Variants in ZNF385D observed in about 807,000 individuals in gnomAD.
The protein encoded by ZNF385D is zinc finger protein 659.
ZNF385D carries 15 observed loss-of-function variants against 35.8 expected under a neutral mutation model. The ratio of observed to expected loss-of-function variants is 0.42; its 90% CI spans 0.28 to 0.64. ZNF385D has a LOEUF of 0.64. Among genes scored for constraint, ZNF385D ranks in the 30% least tolerant of loss-of-function variants. ZNF385D has a pLI of 0.23. For missense variants in ZNF385D, 474 were observed against 494.6 expected (o/e 0.96, Z 0.39); for synonymous variants, 212 against 186.8 (o/e 1.13, Z -1.10).
chr3:21,931,887 C>T (rs950410883), intron 3 of ZNF385D, among the ~76,000 whole-genome samples: 12 of 151,612 alleles, frequency 7.9e-5, no homozygotes, highest in East Asian at 1.9e-4. Flanking sequence ...TGAGGCCGGG[C>T]GCGGTGGCTC....
chr3:22,194,658 TTTGTAG>T (rs1696285285), intron 2 of ZNF385D, among the ~76,000 whole-genome samples: 2 of 151,910 alleles, frequency 1.3e-5, no homozygotes, highest in African/African-American at 4.8e-5. Flanking sequence ...GTGTTATTCA[TTTGTAG>T]GCATACCCTT....
intron 2 of ZNF385D, among the ~76,000 whole-genome samples, chr3:22,318,236 A>G (rs893004036): frequency 3.3e-5 from 5 of 152,162 alleles, no homozygotes; most frequent in African/African-American, 1.2e-4. Flanking sequence ...TAAAGATTGA[A>G]TTTTGAGTGT....
At chr3:21,616,421 C>A (rs1251457813) in intron 2 of ZNF385D, among the ~76,000 whole-genome samples, 1 of 152,160 alleles carries the variant, frequency 6.6e-6, no homozygotes, top group Non-Finnish European at 1.5e-5. Context: ...TAAAGATACC[C>A]TTCAGTACCT....
At chr3:22,368,583 G>C (rs769510482) in intron 2 of ZNF385D, among the ~76,000 whole-genome samples, 8 of 152,174 alleles carry the variant, frequency 5.3e-5, no homozygotes, top group Non-Finnish European at 8.8e-5. Context: ...CTTGGTGCCA[G>C]CAGATTCAAT....
At chr3:21,509,354 T>C (rs1417192473) in intron 4 of ZNF385D, among the ~76,000 whole-genome samples, 1 of 152,148 alleles carries the variant, frequency 6.6e-6, no homozygotes, top group Admixed American at 6.5e-5. Context: ...AGATGCTGCT[T>C]TGGGGATCCC....
intron 2 of ZNF385D, among the ~76,000 whole-genome samples, chr3:22,226,386 C>A (rs140070013): frequency 6.6e-6 from 1 of 152,030 alleles, no homozygotes; most frequent in African/African-American, 2.4e-5. Context: ...CTACCCAGCA[C>A]GAGCAGAGAG....
At chr3:21,809,597 TA>T (rs2072812668) in intron 3 of ZNF385D, among the ~76,000 whole-genome samples, 1 of 150,796 alleles carries the variant, frequency 6.6e-6, no homozygotes, top group Non-Finnish European at 1.5e-5. Context: ...ATGATATATA[TA>T]TACACATATA....
chr3:21,941,918 G>A (rs961957329), intron 3 of ZNF385D, among the ~76,000 whole-genome samples: 1 of 152,074 alleles, frequency 6.6e-6, no homozygotes, highest in African/African-American at 2.4e-5. Flanking sequence ...CTCATTCATA[G>A]CCTTAGGTCC....
At chr3:22,241,172 A>T (rs1410441396) in intron 2 of ZNF385D, among the ~76,000 whole-genome samples, 3 of 151,232 alleles carry the variant, frequency 2.0e-5, no homozygotes, top group African/African-American at 7.3e-5. Context: ...AACTGTACTG[A>T]AACATTTTTC....
intron 1 of ZNF385D, among the ~76,000 whole-genome samples, chr3:21,716,999 G>T (rs1442597820): frequency 6.6e-6 from 1 of 152,084 alleles, no homozygotes; most frequent in Non-Finnish European, 1.5e-5. Context: ...GTAGTGTGGT[G>T]ATGTGCGCCT....
In ZNF385D at chr3:21,864,113, T is replaced by G. The variant is rs1021071778; in HGVS notation, c.326-199085A>C. ...TGAATATAGTTGTGTATTCAGTTTGTTTTTGTGTGTACATGCATACACAAA... is the reference window on the plus strand; with the variant it reads ...TGAATATAGTTGTGTATTCAGTTTGGTTTTGTGTGTACATGCATACACAAA... On this transcript the variant is annotated intron_variant, in intron 3 of 5. Transcript: ENST00000494108. 8.5e-5 allele frequency among the ~76,000 whole-genome samples: 13 copies of G among 152,210 alleles called. No individual in the cohort carries two copies. In the East Asian group the frequency reaches 2.3e-3, roughly 27 times the overall value.
intron 3 of ZNF385D, among the ~76,000 whole-genome samples, chr3:21,840,587 G>A (rs1336849569): frequency 2.0e-5 from 3 of 151,928 alleles, no homozygotes; most frequent in East Asian, 1.9e-4. Flanking sequence ...TTAATCCAAC[G>A]TTGGCATATG....
intron 3 of ZNF385D, among the ~76,000 whole-genome samples, chr3:21,940,139 TAA>T (rs1388004043): frequency 6.6e-6 from 1 of 152,228 alleles, no homozygotes; most frequent in Non-Finnish European, 1.5e-5. Context: ...CGTTATTTTA[TAA>T]GTTTCTGACA....
chr3:22,200,178 G>A (rs1011511838), intron 2 of ZNF385D, among the ~76,000 whole-genome samples: 10 of 152,076 alleles, frequency 6.6e-5, no homozygotes, highest in African/African-American at 2.4e-4. Flanking sequence ...GAAATTAATA[G>A]AGGGAGGTCA....
At chr3:21,746,962 T>C (rs1465494642) in intron 1 of ZNF385D, among the ~76,000 whole-genome samples, 1 of 151,966 alleles carries the variant, frequency 6.6e-6, no homozygotes, top group African/African-American at 2.4e-5. Context: ...AAAAAGTCCT[T>C]CCTAAGACAA....
intron 3 of ZNF385D, among the ~76,000 whole-genome samples, chr3:21,766,054 A>G (rs558621008): frequency 3.9e-5 from 6 of 152,204 alleles, no homozygotes; most frequent in African/African-American, 7.2e-5. Context: ...GAAAGGAAAG[A>G]TAGTGGCCGA....
At chr3:21,707,846 T>C (rs369241717) in intron 1 of ZNF385D, among the ~76,000 whole-genome samples, 11 of 152,224 alleles carry the variant, frequency 7.2e-5, no homozygotes, top group African/African-American at 2.7e-4. Flanking sequence ...AGATCTGTTC[T>C]TTTAAAATTT....
At chr3:22,367,597 AT>A (rs11391880) in intron 2 of ZNF385D, among the ~76,000 whole-genome samples, 3 of 150,910 alleles carry the variant, frequency 2.0e-5, no homozygotes, top group Admixed American at 6.6e-5. Context: ...TAAAATCTAG[AT>A]TTTTTTTTTC....
intron 3 of ZNF385D, among the ~76,000 whole-genome samples, chr3:22,157,042 CCTTTGGCT>C (rs1164062186): frequency 6.6e-6 from 1 of 152,130 alleles, no homozygotes; most frequent in African/African-American, 2.4e-5. Context: ...GCTCTCTCCT[CCTTTGGCT>C]TCTGAATCAA....
Sources: gnomAD v4.1 joint callset for allele counts (sites outside exome capture counted in the v4.1 genomes callset) on GRCh38, gnomAD v4.1.1 for gene constraint, MANE v1.5 for transcripts, NCBI Gene and HGNC (gene_info 2026-07-23, HGNC 2026-07-21) for gene names.